Variants in RECK observed in about 807,000 individuals in gnomAD.
The protein encoded by RECK is reversion inducing cysteine rich protein with kazal motifs, also known as reversion-inducing cysteine-rich protein with Kazal motifs.
A neutral mutation model predicts 115.1 loss-of-function variants in RECK; 69 were observed. The observed-to-expected ratio is 0.60, with a 90% confidence interval of 0.49 to 0.73. The LOEUF is 0.73. Ranked by LOEUF, RECK falls within the 30% of genes least tolerant of loss-of-function variation. The pLI is 0.00. For synonymous variants in RECK, 414 were observed against 419.7 expected, an observed-to-expected ratio of 0.99 and a Z score of 0.17; for missense variants, 1,047 against 1,203.7, an observed-to-expected ratio of 0.87 and a Z score of 1.93.
chr9:36,052,218 CTTGT>C (rs1821334865), intron 1 of RECK, 43 bp from the exon 2 acceptor site: 1 of 1,147,812 alleles, frequency 8.7e-7, no homozygotes, highest in Admixed American at 1.7e-5. Flanking sequence ...GCTTAGTCAT[CTTGT>C]TTAACAGTGG....
At position 36,124,393 on chromosome 9, in the gene RECK, T is replaced by C. The variant is rs1450455802; in HGVS notation, c.*1348T>C. ...TGCAATTGCCTTTTTTCTGTATAAA[T>C]GTCTTTAATGCAATATACTGGAAAG... On this transcript the variant is annotated 3_prime_UTR_variant, in exon 21 of 21. Coordinates refer to ENST00000377966, the MANE Select transcript of RECK (RefSeq NM_021111.3). 1 of 152,650 alleles carries C rather than the reference T, an allele frequency of 6.6e-6. No homozygotes were observed. Among genetic ancestry groups the C allele is most frequent in the Admixed American group, 6.5e-5 (1 of 15,284 alleles). The allele number at this position is 152,650 out of a possible 1,614,324, so 9.5% of individuals were successfully genotyped here.
At chr9:36,090,407 TA>T (rs1312973380) in intron 9 of RECK, among the ~76,000 whole-genome samples, 2 of 152,146 alleles carry the variant, frequency 1.3e-5, no homozygotes, top group Non-Finnish European at 2.9e-5. Flanking sequence ...ATCTTTGTCA[TA>T]GGGGTAAATA....
chr9:36,081,869 A>G (rs1322916531), intron 7 of RECK, among the ~76,000 whole-genome samples: 6 of 152,048 alleles, frequency 3.9e-5, no homozygotes, highest in Admixed American at 2.0e-4. Context: ...TGTGAAGAAA[A>G]TGAACTCTTT....
chr9:36,111,399 T>C (rs562301775), intron 15 of RECK, among the ~76,000 whole-genome samples: 37 of 152,332 alleles, frequency 2.4e-4, no homozygotes, highest in African/African-American at 8.2e-4. Context: ...ACTCTTTCTT[T>C]TTGTTTTTTC....
chr9:36,070,922 A>G (rs1384457062), intron 6 of RECK, among the ~76,000 whole-genome samples: 3 of 152,184 alleles, frequency 2.0e-5, no homozygotes, highest in African/African-American at 7.2e-5. Context: ...GCTCAGTTCT[A>G]GGTTCTCTGC....
chr9:36,100,581 T>C (rs1044610733), intron 11 of RECK, 38 bp downstream of exon 11: 2 of 1,497,726 alleles, frequency 1.3e-6, no homozygotes, highest in Non-Finnish European at 1.9e-6. Flanking sequence ...CCAGCTTTAG[T>C]TCAGACCCTC....
At chr9:36,054,232 T>G (rs1821427417) in intron 2 of RECK, among the ~76,000 whole-genome samples, 1 of 152,142 alleles carries the variant, frequency 6.6e-6, no homozygotes, top group African/African-American at 2.4e-5. Flanking sequence ...TTGAACTGAG[T>G]AAACAGCATT....
At chr9:36,062,438 G>A (rs1821812721) in intron 4 of RECK, among the ~76,000 whole-genome samples, 1 of 152,070 alleles carries the variant, frequency 6.6e-6, no homozygotes, top group African/African-American at 2.4e-5. Flanking sequence ...TGGGATTACA[G>A]GTGTAAGCCA....
chr9:36,046,623 A>G (rs1821082317), intron 1 of RECK, among the ~76,000 whole-genome samples: 1 of 152,210 alleles, frequency 6.6e-6, no homozygotes, highest in Non-Finnish European at 1.5e-5. Context: ...GGAGGAGGAA[A>G]GAAGTTATTA....
At chr9:36,078,785 G>A (rs7857218) in intron 6 of RECK, among the ~76,000 whole-genome samples, 3,871 of 152,184 alleles carry the variant, frequency 0.025, 170 homozygotes, top group African/African-American at 0.087. Context: ...CTTATTAGAA[G>A]GAAAAGAGCA....
At position 36,107,967 on chromosome 9, in the gene RECK, C is replaced by T; in HGVS notation, c.1577-9C>T. The T allele has an allele frequency of 1.9e-6, 3 of 1,604,176 alleles. No individual in the cohort carries two copies. The highest frequency in any genetic ancestry group is 2.6e-6 in the Non-Finnish European group (3 of 1,175,456). On this transcript the variant is annotated splice_polypyrimidine_tract_variant and intron_variant, in intron 13 of 20. Transcript: ENST00000377966. ...TACCATCTCTCTCAGCTAATTTTTG[C>T]TTGTACAGGTTGCAAACTGGGAGAA...
chr9:36,040,691 G>T (rs975916617), intron 1 of RECK, among the ~76,000 whole-genome samples: 7 of 151,930 alleles, frequency 4.6e-5, no homozygotes, highest in African/African-American at 1.7e-4. Flanking sequence ...AGTTCAAGCA[G>T]GAGATAAGGG....
intron 2 of RECK, among the ~76,000 whole-genome samples, chr9:36,053,640 C>T (rs1317842196): frequency 6.6e-6 from 1 of 152,106 alleles, no homozygotes; most frequent in African/African-American, 2.4e-5. Flanking sequence ...AGTTCTGCTA[C>T]TTTGGGAAAC....
chr9:36,117,810 T>C (rs1383103356), intron 17 of RECK, among the ~76,000 whole-genome samples: 4 of 152,106 alleles, frequency 2.6e-5, no homozygotes, highest in African/African-American at 9.7e-5. Context: ...TGAAACCCCA[T>C]CTCTACTAAA....
intron 17 of RECK, among the ~76,000 whole-genome samples, chr9:36,118,054 T>C: frequency 6.6e-6 from 1 of 152,170 alleles, no homozygotes; most frequent in East Asian, 1.9e-4. Flanking sequence ...CTTGCCCCTC[T>C]CCCTGGGGCC....
Position 36,036,941 on chromosome 9 carries a change from C to T in RECK, c.-58C>T. On this transcript the variant is annotated 5_prime_UTR_variant, in exon 1 of 21. Transcript: ENST00000377966. Reference sequence around the variant, plus strand: ...CGAGCGGCGGCGGTAGCGGCGGCAGCGGCTGCGGCCAAGCTGGGTCCGAGC... The same window carrying T: ...CGAGCGGCGGCGGTAGCGGCGGCAGTGGCTGCGGCCAAGCTGGGTCCGAGC... 2.6e-6 allele frequency: 3 copies of T among 1,162,004 alleles called. No homozygotes were observed. Among genetic ancestry groups the T allele is most frequent in the Non-Finnish European group, 2.2e-6 (2 of 908,098 alleles). 72.0% of individuals were successfully genotyped at this position (1,162,004 alleles called of 1,614,324 possible). A position where few individuals can be genotyped will look rare whatever the true frequency, so the allele number is the denominator to read the frequency against.
At chr9:36,042,677 C>T (rs1452364978) in intron 1 of RECK, among the ~76,000 whole-genome samples, 1 of 151,964 alleles carries the variant, frequency 6.6e-6, no homozygotes, top group Non-Finnish European at 1.5e-5. Context: ...ACTTCTTTTC[C>T]TCTGGATAAA....
intron 1 of RECK, 111 bp from the exon 2 acceptor site, chr9:36,052,153 TA>T: frequency 1.5e-6 from 1 of 663,532 alleles, no homozygotes; most frequent in Non-Finnish European, 2.8e-6. Context: ...TTAAAATTAA[TA>T]ATAATAATAA....
At chr9:36,052,149 T>TTAA (rs756739530) in intron 1 of RECK, 116 bp from the exon 2 acceptor site, 5 of 657,818 alleles carry the variant, frequency 7.6e-6, no homozygotes, top group South Asian at 1.7e-5. Flanking sequence ...TGAGTTAAAA[T>TTAA]TAATAATAAT....
Sources: gnomAD v4.1 joint callset for allele counts (sites outside exome capture counted in the v4.1 genomes callset) on GRCh38, gnomAD v4.1.1 for gene constraint, MANE v1.5 for transcripts, NCBI Gene and HGNC (gene_info 2026-07-23, HGNC 2026-07-21) for gene names.